The following KALRN variants were observed in gnomAD, a reference collection of about 807,000 sequenced individuals.
KALRN encodes the protein kalirin RhoGEF kinase, also known as kalirin.
Under a neutral mutation model 353.7 loss-of-function variants are expected in KALRN, and 70 were observed. That is an observed-to-expected ratio of 0.20 (90% CI 0.16 to 0.24). The LOEUF (loss-of-function observed/expected upper bound fraction) is 0.24, where lower values mean the gene tolerates loss of function less well. Ranked by LOEUF, KALRN falls within the 10% of genes least tolerant of loss-of-function variation. KALRN has a pLI of 1.00. For missense variants in KALRN, 2,791 were observed against 3,756.7 expected, an observed-to-expected ratio of 0.74 and a Z score of 6.72; for synonymous variants, 1,391 against 1,434.8, an observed-to-expected ratio of 0.97 and a Z score of 0.69.
chr3:124,064,714 C>T (rs1173523049), intron 1 of KALRN, among the ~76,000 whole-genome samples: 1 of 152,174 alleles, frequency 6.6e-6, no homozygotes, highest in Non-Finnish European at 1.5e-5. Context: ...TCTTTTAGGA[C>T]AGCTTTTTGG....
At chr3:124,412,067 G>T (rs1044364045) in intron 13 of KALRN, among the ~76,000 whole-genome samples, 4 of 152,174 alleles carry the variant, frequency 2.6e-5, no homozygotes, top group Admixed American at 2.0e-4. Flanking sequence ...TTTGCTTGAA[G>T]AAAGGTCTTG....
intron 1 of KALRN, among the ~76,000 whole-genome samples, chr3:124,139,750 G>A (rs892757857): frequency 1.3e-5 from 2 of 152,170 alleles, no homozygotes; most frequent in African/African-American, 2.4e-5. Flanking sequence ...TGGATGTGAG[G>A]AGATCATGGT....
intron 57 of KALRN, among the ~76,000 whole-genome samples, chr3:124,707,092 A>T (rs2062656402): frequency 2.0e-5 from 3 of 151,992 alleles, no homozygotes; most frequent in Admixed American, 1.3e-4. Flanking sequence ...TAATCCCAGC[A>T]CTTTGGGAGG....
intron 11 of KALRN, among the ~76,000 whole-genome samples, chr3:124,386,936 A>G (rs1003694950): frequency 1.3e-5 from 2 of 152,248 alleles, no homozygotes; most frequent in Admixed American, 1.3e-4. Flanking sequence ...ACTAAGCCTC[A>G]GAAAATAACT....
intron 3 of KALRN, among the ~76,000 whole-genome samples, chr3:124,256,040 T>C (rs1444762): frequency 0.62 from 93,889 of 152,088 alleles, 31,767 homozygotes; most frequent in Non-Finnish European, 0.75. Flanking sequence ...CATTTGAATT[T>C]AACCCTGTGG....
chr3:124,116,634 A>G (rs748690646), intron 1 of KALRN, among the ~76,000 whole-genome samples: 1 of 152,212 alleles, frequency 6.6e-6, no homozygotes, highest in Non-Finnish European at 1.5e-5. Flanking sequence ...TCCCCAGTGG[A>G]TGCCTGAAAC....
chr3:124,542,789 T>C (rs937980227), intron 33 of KALRN, among the ~76,000 whole-genome samples: 2 of 152,202 alleles, frequency 1.3e-5, no homozygotes, highest in Non-Finnish European at 2.9e-5. Context: ...AGAGTAACGC[T>C]CACTCAATTA....
At chr3:124,309,674 A>G (rs936332452) in intron 6 of KALRN, among the ~76,000 whole-genome samples, 1 of 152,220 alleles carries the variant, frequency 6.6e-6, no homozygotes, top group African/African-American at 2.4e-5. Flanking sequence ...TAGGAAAAAA[A>G]AAACAAAAAT....
At chr3:124,199,172 C>T (rs2075726841) in intron 1 of KALRN, among the ~76,000 whole-genome samples, 1 of 152,250 alleles carries the variant, frequency 6.6e-6, no homozygotes, top group African/African-American at 2.4e-5. Flanking sequence ...GCAGTGCATG[C>T]CTGACATTCA....
At chr3:124,348,197 C>A (rs1256648775) in intron 10 of KALRN, among the ~76,000 whole-genome samples, 1 of 152,054 alleles carries the variant, frequency 6.6e-6, no homozygotes, top group Non-Finnish European at 1.5e-5. Flanking sequence ...GTGGGTGCTG[C>A]TGAAGGAGTG....
At position 124,345,802 on chromosome 3, in the gene KALRN, G is replaced by A. The variant is rs558720682; in HGVS notation, c.1648-1341G>A. 5.9e-5 allele frequency among the ~76,000 whole-genome samples: 9 copies of A among 152,228 alleles called. No homozygotes were observed. In the East Asian group the frequency reaches 1.5e-3, roughly 26 times the overall value. Reference sequence around the variant, plus strand: ...TGGGCTTTGTGATCCTGTCACCAAAGACTTTGAAAATGTTCATACCTTGCA... The same window carrying A: ...TGGGCTTTGTGATCCTGTCACCAAAAACTTTGAAAATGTTCATACCTTGCA... On this transcript the variant is annotated intron_variant, in intron 9 of 59. Coordinates refer to ENST00000682506, the MANE Select transcript of KALRN (RefSeq NM_001388419.1).
At position 124,361,438 on chromosome 3, in the gene KALRN, T is replaced by C. The variant is rs557726087; in HGVS notation, c.1770+14173T>C. ...GTATATAGGTACATTTAGTAACCAG[T>C]TTTTCTCATTTAATGATATAGCCAT... On this transcript the variant is annotated intron_variant, in intron 10 of 59. Coordinates refer to ENST00000682506, the MANE Select transcript of KALRN (RefSeq NM_001388419.1). Among the ~76,000 whole-genome samples the C allele has an allele frequency of 3.4e-4, 52 of 152,324 alleles. No individual in the cohort carries two copies. In the South Asian group the frequency reaches 0.011, roughly 31 times the overall value.
chr3:124,690,519 G>A lies in KALRN; in HGVS notation c.7378-3285G>A, dbSNP rs2061758694. On this transcript the variant is annotated intron_variant, in intron 51 of 59. Coordinates refer to ENST00000682506, the MANE Select transcript of KALRN (RefSeq NM_001388419.1). ...GAGATAGGATAGATAGAGAGGTGGA[G>A]AGCAAAGATAAGCAGGTAGGCCTTT... 7.2e-5 allele frequency among the ~76,000 whole-genome samples: 11 copies of A among 152,212 alleles called. No individual in the cohort carries two copies. The South Asian group carries it at 2.3e-3, about 32-fold the overall frequency.
At chr3:124,135,007 C>T (rs1479231644) in intron 1 of KALRN, among the ~76,000 whole-genome samples, 2 of 152,176 alleles carry the variant, frequency 1.3e-5, no homozygotes, top group African/African-American at 4.8e-5. Flanking sequence ...ACCATTTGAT[C>T]CAGCAATGCC....
At chr3:124,580,280 G>A (rs905221773) in intron 34 of KALRN, among the ~76,000 whole-genome samples, 8 of 144,062 alleles carry the variant, frequency 5.6e-5, no homozygotes, top group African/African-American at 1.0e-4. Flanking sequence ...ACTATGCTGC[G>A]TATTACAGAC....
chr3:124,408,220 T>C (rs889035369), intron 13 of KALRN, among the ~76,000 whole-genome samples: 2 of 152,194 alleles, frequency 1.3e-5, no homozygotes, highest in Non-Finnish European at 2.9e-5. Context: ...AAAAGGCTCA[T>C]GTGAAGTGAA....
At chr3:124,693,569 C>G (rs997744984) in intron 51 of KALRN, among the ~76,000 whole-genome samples, 2 of 152,102 alleles carry the variant, frequency 1.3e-5, no homozygotes, top group East Asian at 1.9e-4. Flanking sequence ...TGGGGCCGCA[C>G]GCTGCCAGGC....
chr3:124,136,886 A>G (rs1300976464), intron 1 of KALRN, among the ~76,000 whole-genome samples: 1 of 152,142 alleles, frequency 6.6e-6, no homozygotes, highest in East Asian at 1.9e-4. Flanking sequence ...CACTACAGGA[A>G]ATTATGGAGG....
At chr3:124,695,830 G>C (rs1247458139) in intron 53 of KALRN, among the ~76,000 whole-genome samples, 3 of 151,692 alleles carry the variant, frequency 2.0e-5, no homozygotes, top group Non-Finnish European at 2.9e-5. Context: ...ATAATACTAT[G>C]AGCCAGAACT....
Sources: allele counts gnomAD v4.1 joint callset (sites outside exome capture counted in the v4.1 genomes callset), GRCh38; gene constraint gnomAD v4.1.1; transcripts MANE v1.5; gene names NCBI Gene and HGNC (gene_info 2026-07-23, HGNC 2026-07-21).